PHYKPL: variants seen among roughly 807,000 people sequenced by gnomAD.
PHYKPL encodes 5-phosphohydroxy-L-lysine phospho-lyase, also known as 5-phosphonooxy-L-lysine phospho-lyase.
PHYKPL carries 42 observed loss-of-function variants against 51.3 expected under a neutral mutation model. The observed-to-expected ratio is 0.82, with a 90% CI of 0.64 to 1.06. The LOEUF is 1.06. Ranked by LOEUF, PHYKPL falls within the 50% of genes least tolerant of loss-of-function variation. PHYKPL has a pLI of 0.00. For synonymous variants in PHYKPL, 264 were observed against 236.0 expected (o/e 1.12, Z -1.09); for missense variants, 655 against 586.6 (o/e 1.12, Z -1.20).
chr5:178,214,355 T>C (rs1258577086), intron 10 of PHYKPL, among the ~76,000 whole-genome samples: 1 of 151,572 alleles, frequency 6.6e-6, no homozygotes, highest in Non-Finnish European at 1.5e-5. Context: ...GGAGCAGGAG[T>C]CTTGTCCATC....
In PHYKPL at chr5:178,223,849, C is replaced by G. The variant is rs1275400719; in HGVS notation, c.618+599G>C. 1.8e-5 allele frequency: 4 copies of G among 221,160 alleles called. No individual in the cohort carries two copies. In the Admixed American group the frequency reaches 2.1e-4, roughly 12 times the overall value. The allele number at this position is 221,160 out of a possible 1,614,324, so 13.7% of individuals were successfully genotyped here. On this transcript the variant is annotated intron_variant, in intron 6 of 12. Transcript: ENST00000308158. ...TCCACTCCATCTCCACCATACTGCC[C>G]CCGTCAGGCCTCCCCACAGCTCACT... is the stretch of plus-strand genomic sequence containing the variant.
rs767867643 is a variant in PHYKPL at position 178,224,645 on chromosome 5, G to A, written c.498C>T (p.His166=). 21 of 1,614,120 alleles carry A rather than the reference G, an allele frequency of 1.3e-5. No homozygotes were observed. Among genetic ancestry groups the A allele is most frequent in the East Asian group, 2.2e-5 (1 of 44,898 alleles). ...TGTTGAGTTGGGCAGTGCATACCAC[G>A]TGGACCCACTCCTTCTGGCCATCCA... The part of the protein sequence containing the change: ...RNLDGQKEWV[H]VAPLPDTYRG... Residue 166 remains histidine (H), a synonymous_variant, in exon 5 of 13, where the codon CAC becomes CAT. Transcript: ENST00000308158.
chr5:178,207,187 G>T, downstream of PHYKPL: 1 of 1,614,218 alleles, frequency 6.2e-7, no homozygotes, highest in Non-Finnish European at 8.5e-7. Flanking sequence ...CGTGAAGAAG[G>T]TTCTGGAGAA....
rs1009260669 is a variant in PHYKPL at position 178,231,537 on chromosome 5, C to T, written c.60-14G>A. On this transcript the variant is annotated splice_polypyrimidine_tract_variant and intron_variant, in intron 1 of 12. Transcript: ENST00000308158. Reference sequence around the variant, plus strand: ...CTGCAGGAAGAGCTGTGGGGACAGGCAAGGAGTGGACAGCCATGTCTGAAG... The same window carrying T: ...CTGCAGGAAGAGCTGTGGGGACAGGTAAGGAGTGGACAGCCATGTCTGAAG... 20 of 1,614,092 alleles carry T rather than the reference C, an allele frequency of 1.2e-5. No individual in the cohort carries two copies. The highest frequency in any genetic ancestry group is 1.7e-5 in the Non-Finnish European group (20 of 1,179,984).
In PHYKPL at chr5:178,215,300, T is replaced by C. The variant is rs1411566917; in HGVS notation, c.1058A>G (p.Lys353Arg). The C allele has an allele frequency of 6.2e-7, 1 of 1,613,900 alleles. No homozygotes were observed. The part of the protein sequence containing the change: ...LMQLLGQQKI[K>R]HPIVGDVRGV... Reference sequence around the variant, plus strand: ...CCTGACATCCCCGACGATGGGATGTTTGATTTTTTGCTGCCCGAGGAGCTG... The same window carrying C: ...CCTGACATCCCCGACGATGGGATGTCTGATTTTTTGCTGCCCGAGGAGCTG... The change falls in exon 9 of 13, where the codon AAA becomes AGA. Residue 353 changes from lysine to arginine, a missense_variant. By Grantham distance (26) the Lys-to-Arg change is conservative. Transcript: ENST00000308158.
At chr5:178,232,426 G>A (rs1361707653) in intron 1 of PHYKPL, 66 bp downstream of exon 1, 11 of 1,364,974 alleles carry the variant, frequency 8.1e-6, no homozygotes, top group East Asian at 3.1e-5. Context: ...GCGTGCGTGC[G>A]TCGTGCGTGC....
chr5:178,229,352 C>T (rs556649314), intron 3 of PHYKPL, among the ~76,000 whole-genome samples: 373 of 152,242 alleles, frequency 2.5e-3, no homozygotes, highest in South Asian at 7.5e-3. Flanking sequence ...AGGTGATCCG[C>T]CCACCTCGAT....
chr5:178,218,153 C>A (rs187167158), intron 8 of PHYKPL, among the ~76,000 whole-genome samples: 9,612 of 103,236 alleles, frequency 0.093, 596 homozygotes, highest in Middle Eastern at 0.17. Flanking sequence ...GGAGGCGGAG[C>A]TTGCAGTGAG....
At chr5:178,223,199 T>G in intron 6 of PHYKPL, 1 of 465,818 alleles carries the variant, frequency 2.1e-6, no homozygotes, top group Non-Finnish European at 4.0e-6. Context: ...ATAAGCCAGT[T>G]CCTTCCCTGT....
At chr5:178,210,575 C>T in intron 12 of PHYKPL, 1 of 1,614,116 alleles carries the variant, frequency 6.2e-7, no homozygotes, top group Middle Eastern at 1.7e-4. Context: ...CAAACTACGG[C>T]AAGAGCCAGC....
intron 8 of PHYKPL, 114 bp downstream of exon 8, chr5:178,222,241 A>T: frequency 1.1e-6 from 1 of 878,090 alleles, no homozygotes; most frequent in Non-Finnish European, 1.7e-6. Flanking sequence ...AGCGTCTTGG[A>T]AGCGTGTGCT....
rs1047829813 is a variant in PHYKPL at position 178,232,289 on chromosome 5, A to C, written c.59+203T>G. ...CGCTGTCGGGGAGGCGGCCCCGGAGACCACCCGCCGGGACTGCCCAACGGC... is the reference window on the plus strand; with the variant it reads ...CGCTGTCGGGGAGGCGGCCCCGGAGCCCACCCGCCGGGACTGCCCAACGGC... On this transcript the variant is annotated intron_variant, in intron 1 of 12. Coordinates refer to ENST00000308158, the MANE Select transcript of PHYKPL (RefSeq NM_153373.4). 8.0e-7 allele frequency: 1 copy of C among 1,246,434 alleles called. No homozygotes were observed. The highest frequency in any genetic ancestry group is 1.0e-6 in the Non-Finnish European group (1 of 996,144). The allele number at this position is 1,246,434 out of a possible 1,614,324, so 77.2% of individuals were successfully genotyped here.
chr5:178,227,534 AG>A (rs1208979620), intron 3 of PHYKPL, among the ~76,000 whole-genome samples: 1 of 152,124 alleles, frequency 6.6e-6, no homozygotes, highest in Admixed American at 6.5e-5. Flanking sequence ...GGCCTTGTGA[AG>A]GAAAAGAGCT....
At chr5:178,227,437 G>A (rs1481699841) in intron 3 of PHYKPL, among the ~76,000 whole-genome samples, 1 of 152,252 alleles carries the variant, frequency 6.6e-6, no homozygotes, top group African/African-American at 2.4e-5. Context: ...CCAACACAGA[G>A]GGTCAGGGGA....
At chr5:178,227,516 T>C (rs1421379404) in intron 3 of PHYKPL, among the ~76,000 whole-genome samples, 1 of 152,176 alleles carries the variant, frequency 6.6e-6, no homozygotes, top group African/African-American at 2.4e-5. Flanking sequence ...TGGAGCAGCA[T>C]GCTCCAAGGC....
At chr5:178,226,103 T>A (rs1036083239) in intron 3 of PHYKPL, 1 of 144,026 alleles carries the variant, frequency 6.9e-6, no homozygotes, top group Non-Finnish European at 1.5e-5. Context: ...TTTGAGACAG[T>A]CTCACTCTGT....
intron 8 of PHYKPL, among the ~76,000 whole-genome samples, chr5:178,219,973 C>G (rs544945470): frequency 6.7e-6 from 1 of 148,604 alleles, no homozygotes; most frequent in South Asian, 2.2e-4. Context: ...GTGGGCCGAT[C>G]GCTTGAGCTC....
chr5:178,210,083 T>A lies in PHYKPL; in HGVS notation c.*32-1168A>T, dbSNP rs753050803. 2.6e-5 allele frequency: 42 copies of A among 1,603,838 alleles called. 1 individual carries two copies. In the South Asian group the frequency reaches 3.2e-4, roughly 12 times the overall value. The stretch of plus-strand genomic sequence containing the variant: ...GCAGGATTTCCTCCATCCTAGCTCC[T>A]GCGTATGCTAAATGGTCCACGGGCC... On this transcript the variant is annotated intron_variant, in intron 12 of 12. Transcript: ENST00000308158.
chr5:178,209,179 T>TA, intron 12 of PHYKPL: 2 of 698,330 alleles, frequency 2.9e-6, no homozygotes, highest in Non-Finnish European at 5.2e-6. Flanking sequence ...CCATGAGCTT[T>TA]AGCCCAAAGG....
Sources: allele counts gnomAD v4.1 joint callset (sites outside exome capture counted in the v4.1 genomes callset), GRCh38; gene constraint gnomAD v4.1.1; transcripts MANE v1.5; gene names NCBI Gene and HGNC (gene_info 2026-07-23, HGNC 2026-07-21).